Variants in HID1 observed in about 807,000 individuals in gnomAD.
The protein encoded by HID1 is HID1 domain containing.
Under a neutral mutation model 89.7 loss-of-function variants are expected in HID1, and 42 were observed. The observed-to-expected ratio is 0.47, with a 90% confidence interval of 0.37 to 0.61. The LOEUF (loss-of-function observed/expected upper bound fraction) is 0.61, where lower values mean the gene tolerates loss of function less well. Ranked by LOEUF, HID1 falls within the 20% of genes least tolerant of loss-of-function variation. The pLI, the probability that HID1 is intolerant of heterozygous loss-of-function variation, is 0.00. For missense variants in HID1, 854 were observed against 1,039.3 expected (o/e 0.82, Z 2.45); for synonymous variants, 442 against 433.8 (o/e 1.02, Z -0.24).
intron 16 of HID1, 46 bp downstream of exon 16, chr17:74,952,960 G>A: frequency 6.7e-7 from 1 of 1,482,056 alleles, no homozygotes. Context: ...AGTACCATCT[G>A]CCCAAACCCC....
rs528727041 is a variant in HID1, at chr17:74,962,864, G to A, written c.504+101C>T. On this transcript the variant is annotated intron_variant, in intron 4 of 18. Coordinates refer to ENST00000425042, the MANE Select transcript of HID1 (RefSeq NM_030630.3). This position sits in a 1 kb window ranked among gnomAD's most constrained non-coding sequence, Gnocchi z 4.3. Reference sequence around the variant, plus strand: ...CAGCTCAGCTCTCCTGGAGCCCCCCGGCCCCCAGTGCAATCCGCCCAAGGG... The same window carrying A: ...CAGCTCAGCTCTCCTGGAGCCCCCCAGCCCCCAGTGCAATCCGCCCAAGGG... The A allele has an allele frequency of 1.3e-4, 107 of 814,638 alleles. No individual in the cohort carries two copies. Among genetic ancestry groups the A allele is most frequent in the Admixed American group, 3.2e-4 (14 of 44,212 alleles). The allele number at this position is 814,638 out of a possible 1,614,324, so 50.5% of individuals were successfully genotyped here. A position where few individuals can be genotyped will look rare whatever the true frequency, so the allele number is the denominator to read the frequency against.
rs371548740 is a variant in HID1, at chr17:74,955,984, G to A, written c.1472-28C>T. ...GTAAGGGAGGGGTCAGCTCACTCCT[G>A]GGCCCCTCAGCCAAGCCATCCCTGC... is the stretch of plus-strand genomic sequence containing the variant. On this transcript the variant is annotated intron_variant, in intron 12 of 18. Transcript: ENST00000425042. 5 of 1,606,580 alleles carry A rather than the reference G, an allele frequency of 3.1e-6. No individual in the cohort carries two copies. In the African/African-American group the frequency reaches 6.7e-5, roughly 22 times the overall value.
chr17:74,959,288 T>C lies in HID1; in HGVS notation c.1009-237A>G, dbSNP rs1259925746. Among the ~76,000 whole-genome samples the C allele has an allele frequency of 1.3e-5, 2 of 152,166 alleles. No homozygotes were observed. Among genetic ancestry groups the C allele is most frequent in the Non-Finnish European group, 2.9e-5 (2 of 68,024 alleles). On this transcript the variant is annotated intron_variant, in intron 8 of 18. Transcript: ENST00000425042. The surrounding 1 kb of genome is among the most constrained non-coding windows in gnomAD (Gnocchi z 4.6). ...CCACTAGACTGCAGACTCTCTGTCC[T>C]TGGGCTGTGCGCCCCTTGAGCAAGG...
intron 13 of HID1, 144 bp from the exon 14 acceptor site, chr17:74,954,509 G>A (rs2039359119): frequency 2.8e-6 from 4 of 1,429,982 alleles, no homozygotes; most frequent in Non-Finnish European, 3.8e-6. Flanking sequence ...GAGCCCAAGA[G>A]AGGGTGCTGG....
Position 74,962,455 on chromosome 17 carries a change from C to G in HID1, c.505-115G>C, listed in dbSNP as rs1462738731. 3 of 610,864 alleles carry G rather than the reference C, an allele frequency of 4.9e-6. No homozygotes were observed. In the East Asian group the frequency reaches 8.8e-5, roughly 18 times the overall value. The allele number at this position is 610,864 out of a possible 1,614,324, so 37.8% of individuals were successfully genotyped here. On this transcript the variant is annotated intron_variant, in intron 4 of 18. Transcript: ENST00000425042. The surrounding 1 kb of genome is among the most constrained non-coding windows in gnomAD (Gnocchi z 4.3). ...GTCCCAGGGGCAGAGACCGCCAGTT[C>G]TCCTAAAGACAGGTCCTCAAAATGG...
At position 74,954,359 on chromosome 17, in the gene HID1, G is replaced by T; in HGVS notation, c.1643C>A (p.Ser548Tyr). 1 of 1,564,430 alleles carries T rather than the reference G, an allele frequency of 6.4e-7. No individual in the cohort carries two copies. The change falls in exon 14 of 19, where the codon TCC becomes TAC. Residue 548 changes from serine to tyrosine, a missense_variant. Transcript: ENST00000425042. Reference sequence around the variant, plus strand: ...GCGGATGATGGCGTAGACCAGGTTGGAGTTGCCTGTGGGCAGGGAGCATGC... The same window carrying T: ...GCGGATGATGGCGTAGACCAGGTTGTAGTTGCCTGTGGGCAGGGAGCATGC... ...NIIQYQFDGNSNLVYAIIRKR... is the reference protein window; with the variant it reads ...NIIQYQFDGNYNLVYAIIRKR...
intron 16 of HID1, among the ~76,000 whole-genome samples, chr17:74,952,712 G>A (rs1056494478): frequency 2.6e-5 from 4 of 152,182 alleles, no homozygotes; most frequent in African/African-American, 9.7e-5. Flanking sequence ...AAGTCGGAAA[G>A]AGTGATTTAT....
rs1345433913 is a variant in HID1, at chr17:74,963,052, C to T, written c.417G>A (p.Arg139=). ...GQGEEDDEHA[R]PLAESLLLAI... ...CCAGGAGCAGGGACTCGGCCAGGGG[C>T]CTGGCATGCTCATCATCCTCTTCTC... Residue 139 remains arginine, a synonymous_variant, in exon 4 of 19, where the codon AGG becomes AGA. Coordinates refer to ENST00000425042, the MANE Select transcript of HID1 (RefSeq NM_030630.3). 5.0e-6 allele frequency: 8 copies of T among 1,612,418 alleles called. No individual in the cohort carries two copies. Among genetic ancestry groups the T allele is most frequent in the Non-Finnish European group, 6.8e-6 (8 of 1,179,246 alleles).
chr17:74,967,271 T>C (rs1598635133), intron 1 of HID1, among the ~76,000 whole-genome samples: 1 of 150,934 alleles, frequency 6.6e-6, no homozygotes. Context: ...CCAGGCGCGG[T>C]GGCTCACGCC....
In HID1 at chr17:74,963,908, G is replaced by A. The variant is rs771842778; in HGVS notation, c.219C>T (p.Ala73=). 5.3e-5 allele frequency: 86 copies of A among 1,613,636 alleles called. No homozygotes were observed. Among genetic ancestry groups the A allele is most frequent in the South Asian group, 6.6e-5 (6 of 91,086 alleles). The change falls in exon 3 of 19, where the codon GCC becomes GCT. Residue 73 remains alanine, a splice_region_variant and synonymous_variant. Transcript: ENST00000425042. ...PSNLATLCYK[A]VEKLVQGAES... is the part of the protein sequence containing the mutation. ...CAGCTCCCTGCACCAGCTTCTCAAC[G>A]GCCTGTGGGGGCAGGCAGGAGCAGA... is the stretch of plus-strand genomic sequence containing the variant.
rs916499711 is a variant in HID1, at chr17:74,951,752, G to A, written c.2304-119C>T. 5.2e-6 allele frequency: 7 copies of A among 1,341,074 alleles called. No individual in the cohort carries two copies. In the African/African-American group the frequency reaches 7.3e-5, roughly 14 times the overall value. 83.1% of individuals were successfully genotyped at this position (1,341,074 alleles called of 1,614,324 possible). On this transcript the variant is annotated intron_variant, in intron 18 of 18. Coordinates refer to ENST00000425042, the MANE Select transcript of HID1 (RefSeq NM_030630.3). ...TTTCCATCCCGATGTCCCACCCTGG[G>A]CAGCGGGTGCCACCGTCAACCAGGC...
At chr17:74,954,491 G>T in intron 13 of HID1, 126 bp from the exon 14 acceptor site, 1 of 1,498,604 alleles carries the variant, frequency 6.7e-7, no homozygotes, top group Non-Finnish European at 8.9e-7. Context: ...GGTTGGAGAT[G>T]GTACAGGGAG....
Position 74,958,213 on chromosome 17 carries a change from G to A in HID1, c.1399C>T (p.His467Tyr). ...THADLLIVVF[H>Y]KIITSGHQRL... ...TGGTGCCCGCTGGTGATGATCTTGT[G>A]GAACACCTGTGCCAGGAGGGACAGA... is the stretch of plus-strand genomic sequence containing the variant. The change falls in exon 12 of 19, where the codon CAC becomes TAC. Residue 467 changes from histidine (H) to tyrosine (Y), a missense_variant. Transcript: ENST00000425042. The surrounding 1 kb of genome is among the most constrained non-coding windows in gnomAD (Gnocchi z 5.2). 1 of 1,610,718 alleles carries A rather than the reference G, an allele frequency of 6.2e-7. No homozygotes were observed. The highest frequency in any genetic ancestry group is 8.5e-7 in the Non-Finnish European group (1 of 1,178,704).
chr17:74,956,064 C>G (rs374442247), intron 12 of HID1, 108 bp from the exon 13 acceptor site: 4 of 1,145,756 alleles, frequency 3.5e-6, no homozygotes, highest in Admixed American at 4.4e-5. Context: ...CTCCCTGCCC[C>G]CTGCAGAGCC....
At chr17:74,952,156 C>T in intron 17 of HID1, 93 bp from the exon 18 acceptor site, 1 of 1,519,058 alleles carries the variant, frequency 6.6e-7, no homozygotes, top group Non-Finnish European at 9.0e-7. Flanking sequence ...TCCCATCACA[C>T]GCCTACCTAA....
In HID1 at chr17:74,972,476, C is replaced by G. The variant is rs1296486057; in HGVS notation, c.66+115G>C. On this transcript the variant is annotated intron_variant, in intron 1 of 18. Transcript: ENST00000425042. This position sits in a 1 kb window ranked among gnomAD's most constrained non-coding sequence, Gnocchi z 6.4. ...CGTTCCGGCGCTGGCCTTGGCGTTA[C>G]GCTCGGGGCCCGCCCGTCCCCCCAT... The G allele has an allele frequency of 2.0e-6, 2 of 1,012,524 alleles. No homozygotes were observed. The highest frequency in any genetic ancestry group is 2.8e-6 in the Non-Finnish European group (2 of 706,224). 62.7% of individuals were successfully genotyped at this position (1,012,524 alleles called of 1,614,324 possible).
chr17:74,966,515 C>T (rs2039566402), intron 1 of HID1, among the ~76,000 whole-genome samples: 1 of 152,092 alleles, frequency 6.6e-6, no homozygotes, highest in Non-Finnish European at 1.5e-5. Context: ...CTGCAAGACA[C>T]CTTCCTGCTT....
chr17:74,951,627 C>T lies in HID1; in HGVS notation c.2310G>A (p.Val770=). The T allele has an allele frequency of 6.2e-7, 1 of 1,612,430 alleles. No individual in the cohort carries two copies. The highest frequency in any genetic ancestry group is 8.5e-7 in the Non-Finnish European group (1 of 1,179,364). Residue 770 remains valine, a synonymous_variant, in exon 19 of 19, where the codon GTG becomes GTA. Coordinates refer to ENST00000425042, the MANE Select transcript of HID1 (RefSeq NM_030630.3). ...YMWGVIYLRN[V]DPPVWYDTDV... The stretch of plus-strand genomic sequence containing the variant: ...CGGTGTCGTACCAGACAGGGGGGTC[C>T]ACATTCCTGTGGAGGAAATGGGGGG...
Position 74,959,198 on chromosome 17 carries a change from T to C in HID1, c.1009-147A>G. The C allele has an allele frequency of 2.1e-6, 2 of 939,268 alleles. No homozygotes were observed. The highest frequency in any genetic ancestry group is 1.5e-6 in the Non-Finnish European group (1 of 662,180). The allele number at this position is 939,268 out of a possible 1,614,324, so 58.2% of individuals were successfully genotyped here. A position where few individuals can be genotyped will look rare whatever the true frequency, so the allele number is the denominator to read the frequency against. On this transcript the variant is annotated intron_variant, in intron 8 of 18. Transcript: ENST00000425042. The surrounding 1 kb of genome is among the most constrained non-coding windows in gnomAD (Gnocchi z 4.6). ...CAGAGGGCCCAGATGCTATCACCCA[T>C]AGCTGTCCTGGGGCGATGCCTCAGG...
Sources: gnomAD v4.1 joint callset for allele counts (sites outside exome capture counted in the v4.1 genomes callset) on GRCh38, gnomAD v4.1.1 for gene constraint, Gnocchi (gnomAD v3.1) non-coding constraint, MANE v1.5 for transcripts, NCBI Gene and HGNC (gene_info 2026-07-23, HGNC 2026-07-21) for gene names.